The following CDK8 variants were observed in gnomAD, a reference collection of about 807,000 sequenced individuals.
The protein encoded by CDK8 is cyclin dependent kinase 8.
Under a neutral mutation model 71.5 loss-of-function variants are expected in CDK8, and 29 were observed. That is an observed-to-expected ratio of 0.41 (90% confidence interval 0.30 to 0.55). The LOEUF (loss-of-function observed/expected upper bound fraction) is 0.55. Ranked by LOEUF, CDK8 falls within the 20% of genes least tolerant of loss-of-function variation. The pLI, the probability that CDK8 is intolerant of heterozygous loss-of-function variation, is 0.37. For missense variants in CDK8, 288 were observed against 572.6 expected (o/e 0.50, Z 5.07); for synonymous variants, 161 against 192.1 (o/e 0.84, Z 1.34).
intron 12 of CDK8, among the ~76,000 whole-genome samples, chr13:26,403,251 C>T (rs1452984760): frequency 2.0e-5 from 3 of 152,008 alleles, no homozygotes; most frequent in Admixed American, 6.6e-5. Context: ...GGCTCATGCC[C>T]GTAATCCCAG....
chr13:26,278,453 G>T (rs1341378786), intron 1 of CDK8, among the ~76,000 whole-genome samples: 1 of 152,192 alleles, frequency 6.6e-6, no homozygotes, highest in East Asian at 1.9e-4. Flanking sequence ...TTTCCATCTA[G>T]TAGTGAGGGA....
At chr13:26,277,576 A>G (rs991885076) in intron 1 of CDK8, among the ~76,000 whole-genome samples, 2 of 152,216 alleles carry the variant, frequency 1.3e-5, no homozygotes, top group Non-Finnish European at 2.9e-5. Context: ...ACCATAGTAT[A>G]TAAACTAAAA....
At position 26,254,595 on chromosome 13, in the gene CDK8, G is replaced by GCCCCCCCGCCCCCCCCCCCCCC; in HGVS notation, c.-41_-40insCGCCCCCCCCCCCCCCCCCCCC. ...CCGTGCTTCCCCGGTCCCCACCCCTGCCCCCCGGCCCCCCGACCCAGCTCT... is the reference window on the plus strand; with the variant it reads ...CCGTGCTTCCCCGGTCCCCACCCCTGCCCCCCCGCCCCCCCCCCCCCCCCCCCCGGCCCCCCGACCCAGCTCT... On this transcript the variant is annotated 5_prime_UTR_variant, in exon 1 of 13. Coordinates refer to ENST00000381527, the MANE Select transcript of CDK8 (RefSeq NM_001260.3). The surrounding 1 kb of genome is among the most constrained non-coding windows in gnomAD (Gnocchi z 6.7). The GCCCCCCCGCCCCCCCCCCCCCC allele has an allele frequency of 8.4e-7, 1 of 1,194,432 alleles. No homozygotes were observed. Among genetic ancestry groups the GCCCCCCCGCCCCCCCCCCCCCC allele is most frequent in the Non-Finnish European group, 1.2e-6 (1 of 847,012 alleles). 74.0% of individuals were successfully genotyped at this position (1,194,432 alleles called of 1,614,324 possible). A position where few individuals can be genotyped will look rare whatever the true frequency, so the allele number is the denominator to read the frequency against.
intron 1 of CDK8, among the ~76,000 whole-genome samples, chr13:26,315,798 C>A (rs1874482767): frequency 6.6e-6 from 1 of 152,076 alleles, no homozygotes; most frequent in South Asian, 2.1e-4. Context: ...AAAAAAATGC[C>A]ATTTAAAGGA....
intron 1 of CDK8, among the ~76,000 whole-genome samples, chr13:26,262,977 T>C (rs1414074568): frequency 6.6e-6 from 1 of 152,204 alleles, no homozygotes; most frequent in African/African-American, 2.4e-5. Context: ...TTTTACATCA[T>C]GATGAAGGGC....
At chr13:26,266,656 A>G (rs1872033579) in intron 1 of CDK8, among the ~76,000 whole-genome samples, 1 of 152,226 alleles carries the variant, frequency 6.6e-6, no homozygotes, top group South Asian at 2.1e-4. Flanking sequence ...AGATTTTTGG[A>G]TACCAAAGCT....
chr13:26,295,818 T>G (rs1297253439), intron 1 of CDK8, among the ~76,000 whole-genome samples: 1 of 152,198 alleles, frequency 6.6e-6, no homozygotes, highest in Non-Finnish European at 1.5e-5. Flanking sequence ...AATCCAGTTA[T>G]TTATGACTGT....
chr13:26,260,746 A>C (rs868176148), intron 1 of CDK8, among the ~76,000 whole-genome samples: 1 of 152,218 alleles, frequency 6.6e-6, no homozygotes, highest in Admixed American at 6.5e-5. Context: ...CTACTTTGAC[A>C]ATTAATTCTC....
intron 1 of CDK8, among the ~76,000 whole-genome samples, chr13:26,307,151 A>G (rs923993930): frequency 6.6e-5 from 10 of 152,178 alleles, no homozygotes; most frequent in Admixed American, 5.9e-4. Flanking sequence ...GAGATAAGAC[A>G]CCCCACCACC....
chr13:26,358,576 T>A (rs904179259), intron 4 of CDK8, among the ~76,000 whole-genome samples: 10 of 152,196 alleles, frequency 6.6e-5, no homozygotes, highest in Non-Finnish European at 1.3e-4. Context: ...TGGAAAACAC[T>A]GTGGCAGTTT....
At chr13:26,303,309 CT>C (rs556966935) in intron 1 of CDK8, among the ~76,000 whole-genome samples, 18 of 146,338 alleles carry the variant, frequency 1.2e-4, no homozygotes, top group East Asian at 6.0e-4. Context: ...AAATATATTT[CT>C]TTTTTTTTTG....
At chr13:26,335,437 C>T (rs192049157) in intron 1 of CDK8, among the ~76,000 whole-genome samples, 465 of 152,172 alleles carry the variant, frequency 3.1e-3, no homozygotes, top group African/African-American at 0.011. Context: ...ACTCTTGTGG[C>T]TTCGATCACT....
At chr13:26,344,093 A>G (rs1475628381) in intron 2 of CDK8, among the ~76,000 whole-genome samples, 1 of 151,966 alleles carries the variant, frequency 6.6e-6, no homozygotes, top group Non-Finnish European at 1.5e-5. Flanking sequence ...TGCTATCTTT[A>G]TGTCCATGTT....
At chr13:26,279,991 G>T (rs541959773) in intron 1 of CDK8, among the ~76,000 whole-genome samples, 2 of 150,864 alleles carry the variant, frequency 1.3e-5, no homozygotes, top group East Asian at 1.9e-4. Context: ...GTGTGTGTAT[G>T]TGTGTGTAAA....
intron 4 of CDK8, among the ~76,000 whole-genome samples, chr13:26,366,126 AG>A (rs1018077877): frequency 6.6e-5 from 10 of 152,276 alleles, no homozygotes; most frequent in African/African-American, 2.4e-4. Context: ...TCTCAGCTAA[AG>A]CTGTTATCTA....
chr13:26,314,981 C>CT (rs141485215), intron 1 of CDK8, among the ~76,000 whole-genome samples: 17,707 of 151,772 alleles, frequency 0.12, 3,068 homozygotes, highest in African/African-American at 0.38. Flanking sequence ...ATATTAATGT[C>CT]TTTTTTTTCA....
intron 2 of CDK8, among the ~76,000 whole-genome samples, chr13:26,339,608 T>A (rs9581644): frequency 0.063 from 9,354 of 147,844 alleles, 480 homozygotes; most frequent in African/African-American, 0.14. Context: ...TTTTTTTTTT[T>A]AAAAAGCTTG....
intron 3 of CDK8, 151 bp downstream of exon 3, chr13:26,349,333 G>GTATT (rs1223550926): frequency 4.9e-4 from 286 of 577,884 alleles, no homozygotes; most frequent in Non-Finnish European, 4.3e-5. Flanking sequence ...GAAGGCTAGA[G>GTATT]TATTTGACTT....
chr13:26,268,256 A>ACACACACAC (rs1872125882), intron 1 of CDK8, among the ~76,000 whole-genome samples: 1 of 116,762 alleles, frequency 8.6e-6, no homozygotes, highest in Admixed American at 8.3e-5. Flanking sequence ...CCCCTCCCCC[A>ACACACACAC]ACACACACAC....
Sources: allele counts gnomAD v4.1 joint callset (sites outside exome capture counted in the v4.1 genomes callset), GRCh38; gene constraint gnomAD v4.1.1; non-coding constraint Gnocchi (gnomAD v3.1); transcripts MANE v1.5; gene names NCBI Gene and HGNC (gene_info 2026-07-23, HGNC 2026-07-21).